Variants in CHD9 observed in about 807,000 individuals in gnomAD.
The protein encoded by CHD9 is chromodomain helicase DNA binding protein 9, also known as ATP-dependent chromatin remodeler CHD9.
Under a neutral mutation model 316.1 loss-of-function variants are expected in CHD9, and 77 were observed. The observed-to-expected ratio is 0.24, with a 90% CI of 0.20 to 0.29. The LOEUF (loss-of-function observed/expected upper bound fraction) is 0.29, where lower values mean the gene tolerates loss of function less well. Among genes scored for constraint, CHD9 ranks in the 10% least tolerant of loss-of-function variants. The probability of loss-of-function intolerance (pLI) is 1.00; values close to 1 mark genes in which losing one functional copy is unlikely to be tolerated. For missense variants in CHD9, 2,763 were observed against 3,438.1 expected (o/e 0.80, Z 4.91); for synonymous variants, 1,129 against 1,158.3 (o/e 0.97, Z 0.51).
At position 53,267,391 on chromosome 16, in the gene CHD9, A is replaced by C; in HGVS notation, c.4418A>C (p.Glu1473Ala). ...ELAELSEAES[E>A]GDEKPKLRRP... ...GCTGAATTATCTGAAGCTGAAAGTG[A>C]AGGAGATGAAAAGCCCAAACTCCGG... is the stretch of plus-strand genomic sequence containing the variant. The change falls in exon 21 of 39, where the codon GAA becomes GCA. Residue 1473 changes from glutamate to alanine, a missense_variant. This residue lies in a region of CHD9 where 199 missense variants were observed against 251.7 expected (regional missense o/e 0.79). Coordinates refer to ENST00000447540, the MANE Select transcript of CHD9 (RefSeq NM_001308319.2). 6.2e-7 allele frequency: 1 copy of C among 1,613,088 alleles called. No homozygotes were observed. The highest frequency in any genetic ancestry group is 1.1e-5 in the South Asian group (1 of 91,022).
At chr16:53,170,014 G>A (rs1257155232) in intron 2 of CHD9, among the ~76,000 whole-genome samples, 1 of 150,268 alleles carries the variant, frequency 6.7e-6, no homozygotes, top group Admixed American at 6.6e-5. Context: ...GTATTTGTTT[G>A]GTTATTCATA....
chr16:53,116,259 C>T (rs1311084095), intron 1 of CHD9, among the ~76,000 whole-genome samples: 1 of 152,138 alleles, frequency 6.6e-6, no homozygotes, highest in African/African-American at 2.4e-5. Context: ...AGGGTTTCAC[C>T]GTGCTGGCCA....
chr16:53,310,690 A>C (rs2056387635), intron 34 of CHD9: 1 of 144,408 alleles, frequency 6.9e-6, no homozygotes, highest in South Asian at 2.2e-4. Context: ...TGTACTAAAT[A>C]CAAAAAAAAA....
At chr16:53,103,806 C>A in intron 1 of CHD9, among the ~76,000 whole-genome samples, 1 of 152,216 alleles carries the variant, frequency 6.6e-6, no homozygotes, top group East Asian at 1.9e-4. Flanking sequence ...CCCCTCTTTA[C>A]CTTTTGGTCA....
intron 1 of CHD9, among the ~76,000 whole-genome samples, chr16:53,081,730 G>A (rs1400480399): frequency 6.6e-6 from 1 of 151,240 alleles, no homozygotes; most frequent in Non-Finnish European, 1.5e-5. Flanking sequence ...TGGGACTACA[G>A]GTGCATGCCA....
intron 2 of CHD9, among the ~76,000 whole-genome samples, chr16:53,200,202 C>A (rs1159200612): frequency 6.6e-6 from 1 of 151,968 alleles, no homozygotes; most frequent in Non-Finnish European, 1.5e-5. Context: ...GAAACCCCAT[C>A]TCTACTAAAA....
chr16:53,229,185 T>C, intron 8 of CHD9, 85 bp downstream of exon 8: 1 of 625,382 alleles, frequency 1.6e-6, no homozygotes, highest in East Asian at 2.9e-5. Context: ...ATTATTTTAA[T>C]TCTTAGACTT....
intron 27 of CHD9, among the ~76,000 whole-genome samples, chr16:53,290,901 G>T (rs1371288531): frequency 3.9e-5 from 6 of 152,200 alleles, no homozygotes; most frequent in Non-Finnish European, 5.9e-5. Flanking sequence ...ATAACATCTG[G>T]CATGTATCGA....
chr16:53,309,033 T>C (rs1001904267), intron 34 of CHD9, among the ~76,000 whole-genome samples, 179 bp downstream of exon 34: 2 of 152,224 alleles, frequency 1.3e-5, no homozygotes, highest in African/African-American at 4.8e-5. Flanking sequence ...TAACATGACA[T>C]TTTAAAGCAT....
At position 53,121,533 on chromosome 16, in the gene CHD9, A is replaced by T. The variant is rs549443037; in HGVS notation, c.-164-34393A>T. Reference sequence around the variant, plus strand: ...TCTAGCTAAAAGCAGGGGATAAACTAGATAAAACTTGGAGACTCTAAGACC... The same window carrying T: ...TCTAGCTAAAAGCAGGGGATAAACTTGATAAAACTTGGAGACTCTAAGACC... On this transcript the variant is annotated intron_variant, in intron 1 of 38. Transcript: ENST00000447540. The T allele has an allele frequency of 3.7e-4, 156 of 416,964 alleles. 2 individuals are homozygous for T. Among genetic ancestry groups the T allele is most frequent in the Non-Finnish European group, 7.0e-4 (148 of 209,944 alleles). The allele number at this position is 416,964 out of a possible 1,614,324, so 25.8% of individuals were successfully genotyped here. A position where few individuals can be genotyped will look rare whatever the true frequency, so the allele number is the denominator to read the frequency against.
chr16:53,183,257 C>T (rs1047042813), intron 2 of CHD9, among the ~76,000 whole-genome samples: 1 of 152,144 alleles, frequency 6.6e-6, no homozygotes, highest in African/African-American at 2.4e-5. Flanking sequence ...AAGAAATAAA[C>T]ATTATGGATA....
At chr16:53,069,255 C>T (rs1350308575) in intron 1 of CHD9, among the ~76,000 whole-genome samples, 2 of 152,164 alleles carry the variant, frequency 1.3e-5, no homozygotes, top group African/African-American at 2.4e-5. Flanking sequence ...CCACCCACCT[C>T]GGCTTCCCAA....
intron 1 of CHD9, among the ~76,000 whole-genome samples, chr16:53,064,216 G>C (rs2033265203): frequency 6.6e-6 from 1 of 152,142 alleles, no homozygotes; most frequent in Non-Finnish European, 1.5e-5. Flanking sequence ...TTTGATGACA[G>C]AGAACTGGTT....
chr16:53,278,256 C>T (rs1418184801), intron 24 of CHD9, among the ~76,000 whole-genome samples: 1 of 152,036 alleles, frequency 6.6e-6, no homozygotes, highest in Non-Finnish European at 1.5e-5. Context: ...TAGAGAAAAA[C>T]AGTCCTAAAA....
chr16:53,101,350 C>T (rs997369283), intron 1 of CHD9, among the ~76,000 whole-genome samples: 25 of 149,576 alleles, frequency 1.7e-4, no homozygotes, highest in African/African-American at 5.9e-4. Flanking sequence ...TCACAGCTCA[C>T]TGCAGCCTCA....
chr16:53,314,823 G>C lies in CHD9; in HGVS notation c.7363G>C (p.Val2455Leu). The change falls in exon 36 of 39, where the codon GTT becomes CTT. Residue 2455 changes from valine (V) to leucine (L), a missense_variant and splice_region_variant. By Grantham distance (32) the Val-to-Leu change is conservative. Coordinates refer to ENST00000447540, the MANE Select transcript of CHD9 (RefSeq NM_001308319.2). ...GATACCATTTGGTGTTTTTTTACAGGTTTCTTTAGGCTTAACCTCCTCACA... is the reference window on the plus strand; with the variant it reads ...GATACCATTTGGTGTTTTTTTACAGCTTTCTTTAGGCTTAACCTCCTCACA... ...FFNRNKPPNH[V>L]SLGLTSSQIS... The C allele has an allele frequency of 6.3e-7, 1 of 1,594,608 alleles. No homozygotes were observed. The highest frequency in any genetic ancestry group is 8.5e-7 in the Non-Finnish European group (1 of 1,170,764).
chr16:53,251,890 A>G lies in CHD9; in HGVS notation c.3861+1824A>G, dbSNP rs182542838. On this transcript the variant is annotated intron_variant, in intron 17 of 38. Transcript: ENST00000447540. ...CCCCAAAAAATGACCCAGCTTAGAA[A>G]GAAATCATAGATGACACAAACAAGT... is the stretch of plus-strand genomic sequence containing the variant. Among the ~76,000 whole-genome samples, 39 of 152,274 alleles carry G rather than the reference A, an allele frequency of 2.6e-4. 2 individuals carry two copies. The highest frequency in any genetic ancestry group is 9.1e-4 in the African/African-American group (38 of 41,576).
At position 53,304,512 on chromosome 16, in the gene CHD9, C is replaced by T. The variant is rs566366905; in HGVS notation, c.6506C>T (p.Ser2169Leu). 20 of 1,551,212 alleles carry T rather than the reference C, an allele frequency of 1.3e-5. No individual in the cohort carries two copies. In the South Asian group the frequency reaches 1.5e-4, roughly 12 times the overall value. ...SRSGSSSSSS[S>L]SCSSASSSSS... is the part of the protein sequence containing the mutation. ...TCAGGCTCTAGTTCTTCTTCATCTT[C>T]ATCTTGTTCTTCAGCATCTTCTTCA... The change falls in exon 31 of 39, where the codon TCA (serine) becomes TTA (leucine). Residue 2169 changes from serine to leucine, a missense_variant. Around this residue, in one of 15 missense-constraint regions of CHD9, gnomAD observed 663 missense variants for 751.2 expected, o/e 0.88. Coordinates refer to ENST00000447540, the MANE Select transcript of CHD9 (RefSeq NM_001308319.2).
intron 22 of CHD9, among the ~76,000 whole-genome samples, chr16:53,268,993 G>T (rs1455458756): frequency 6.6e-6 from 1 of 151,972 alleles, no homozygotes; most frequent in Non-Finnish European, 1.5e-5. Context: ...ATATTGCAGA[G>T]TCAGGGTCCT....
Sources: gnomAD v4.1 joint callset for allele counts (sites outside exome capture counted in the v4.1 genomes callset) on GRCh38, gnomAD v4.1.1 for gene constraint, gnomAD v4.1.1 regional missense constraint, MANE v1.5 for transcripts, NCBI Gene and HGNC (gene_info 2026-07-23, HGNC 2026-07-21) for gene names.